The following SERPINA4 variants were observed in gnomAD, a reference collection of about 807,000 sequenced individuals.
SERPINA4 encodes the protein serpin family A member 4, also known as kallistatin.
In SERPINA4, 24 loss-of-function variants were observed where a neutral mutation model predicts 25.4. The ratio of observed to expected loss-of-function variants is 0.95; its 90% CI spans 0.69 to 1.33. The LOEUF (loss-of-function observed/expected upper bound fraction) is 1.33. SERPINA4 is among the 40% of genes most tolerant of loss of function. SERPINA4 has a pLI of 0.00. For synonymous variants in SERPINA4, 242 were observed against 223.6 expected (o/e 1.08, Z -0.73); for missense variants, 553 against 535.8 (o/e 1.03, Z -0.32).
In SERPINA4 at chr14:94,563,842, C is replaced by T. The variant is rs1291137991; in HGVS notation, c.360C>T (p.Gly120=). 5.6e-6 allele frequency: 9 copies of T among 1,614,052 alleles called. No homozygotes were observed. The African/African-American group carries it at 6.7e-5, about 12-fold the overall frequency. Residue 120 remains glycine (G), a synonymous_variant, in exon 2 of 5, where the codon GGC becomes GGT. Transcript: ENST00000557004. ...TELSESDVHR[G]FQHLLHTLNL... ...TGTCTGAGTCCGATGTCCATAGGGGCTTCCAGCACCTCCTGCACACTCTCA... is the reference window on the plus strand; with the variant it reads ...TGTCTGAGTCCGATGTCCATAGGGGTTTCCAGCACCTCCTGCACACTCTCA...
chr14:94,563,813 G>A lies in SERPINA4; in HGVS notation c.331G>A (p.Glu111Lys), dbSNP rs747841538. Residue 111 changes from glutamate to lysine, a missense_variant, in exon 2 of 5, where the codon GAG becomes AAG. Glu to Lys is a moderately conservative substitution (Grantham distance 56). Coordinates refer to ENST00000557004, the MANE Select transcript of SERPINA4 (RefSeq NM_006215.4). The part of the protein sequence containing the change: ...ILEGLGFNLT[E>K]LSESDVHRGF... ...TGAGGGCCTGGGCTTCAACCTCACC[G>A]AGCTGTCTGAGTCCGATGTCCATAG... 8.7e-6 allele frequency: 14 copies of A among 1,614,032 alleles called. No individual in the cohort carries two copies. Among genetic ancestry groups the A allele is most frequent in the Admixed American group, 5.0e-5 (3 of 60,008 alleles).
rs143259752 is a variant in SERPINA4, at chr14:94,569,574, C to T, written c.1263C>T (p.Val421=). ...STQSVLFLGK[V]VDPTKP ...AGAGTGTCCTCTTTCTGGGCAAGGT[C>T]GTCGACCCCACGAAACCATAGCCCT... Residue 421 remains valine, a synonymous_variant, in exon 5 of 5, where the codon GTC becomes GTT. Coordinates refer to ENST00000557004, the MANE Select transcript of SERPINA4 (RefSeq NM_006215.4). 1.1e-4 allele frequency: 178 copies of T among 1,614,062 alleles called. No individual in the cohort carries two copies. The highest frequency in any genetic ancestry group is 1.6e-4 in the Middle Eastern group (1 of 6,084).
Position 94,569,418 on chromosome 14 carries a change from C to T in SERPINA4, c.1107C>T (p.Asp369=), listed in dbSNP as rs369052935. 1.1e-5 allele frequency: 17 copies of T among 1,613,910 alleles called. No individual in the cohort carries two copies. Among genetic ancestry groups the T allele is most frequent in the South Asian group, 4.4e-5 (4 of 91,066 alleles). Residue 369 remains aspartate (D), a synonymous_variant, in exon 5 of 5, where the codon GAC becomes GAT. Transcript: ENST00000557004. ...AGAGTTTCCACAAGGCCACCTTGGACGTGGATGAGGCTGGCACCGAGGCTG... is the reference window on the plus strand; with the variant it reads ...AGAGTTTCCACAAGGCCACCTTGGATGTGGATGAGGCTGGCACCGAGGCTG... ...ASKSFHKATL[D]VDEAGTEAAA... is the part of the protein sequence containing the mutation.
chr14:94,567,200 A>T lies in SERPINA4; in HGVS notation c.880A>T (p.Thr294Ser), dbSNP rs537383577. Reference sequence around the variant, plus strand: ...AATGAGGGAGATTGAAGAGGTTCTGACTCCAGAGATGCTAATGAGGTGGAA... The same window carrying T: ...AATGAGGGAGATTGAAGAGGTTCTGTCTCCAGAGATGCTAATGAGGTGGAA... ...GKMREIEEVL[T>S]PEMLMRWNNL... Residue 294 changes from threonine (T) to serine (S), a missense_variant, in exon 3 of 5, where the codon ACT becomes TCT. Transcript: ENST00000557004. The T allele has an allele frequency of 6.2e-7, 1 of 1,614,072 alleles. No individual in the cohort carries two copies. Among genetic ancestry groups the T allele is most frequent in the South Asian group, 1.1e-5 (1 of 91,068 alleles).
chr14:94,561,522 C>T lies in SERPINA4; in HGVS notation c.-18+28C>T, dbSNP rs557563775. ...GAGTAACCCCCTGAGACAATGGAGA[C>T]GAGAGACTCTAGAGGGAGGGTGACC... On this transcript the variant is annotated intron_variant, in intron 1 of 4. Transcript: ENST00000557004. 33 of 556,548 alleles carry T rather than the reference C, an allele frequency of 5.9e-5. 1 individual carries two copies. Among genetic ancestry groups the T allele is most frequent in the Middle Eastern group, 7.4e-4 (1 of 1,354 alleles). 34.5% of individuals were successfully genotyped at this position (556,548 alleles called of 1,614,324 possible). A position where few individuals can be genotyped will look rare whatever the true frequency, so the allele number is the denominator to read the frequency against.
In SERPINA4 at chr14:94,569,376, C is replaced by T. The variant is rs373670091; in HGVS notation, c.1084-19C>T. On this transcript the variant is annotated intron_variant, in intron 4 of 4. Transcript: ENST00000557004. ...CTCTCTTGCTGGCTTGGAGATAATG[C>T]TTGTGATTTTCCTCCCAGAGTTTCC... 11 of 1,611,092 alleles carry T rather than the reference C, an allele frequency of 6.8e-6. No homozygotes were observed. The African/African-American group carries it at 1.1e-4, about 16-fold the overall frequency.
In SERPINA4 at chr14:94,563,431, G is replaced by C. The variant is rs776853787; in HGVS notation, c.-17-35G>C. 7 of 1,560,722 alleles carry C rather than the reference G, an allele frequency of 4.5e-6. No individual in the cohort carries two copies. In the Admixed American group the frequency reaches 7.0e-5, roughly 15 times the overall value. ...CTCAGTAGGGCCAGGTGTTCTTCTG[G>C]GGGAATTTCCTGGGCATTCTCTTCC... On this transcript the variant is annotated intron_variant, in intron 1 of 4. Transcript: ENST00000557004.
chr14:94,567,155 A>G lies in SERPINA4; in HGVS notation c.835A>G (p.Ile279Val). The stretch of plus-strand genomic sequence containing the variant: ...CAAAGGAGACGCAACCGTGTTTTTC[A>G]TTCTCCCTAACCAAGGCAAAATGAG... ...DYKGDATVFFILPNQGKMREI... is the reference protein window; with the variant it reads ...DYKGDATVFFVLPNQGKMREI... The change falls in exon 3 of 5, where the codon ATT becomes GTT. Residue 279 changes from isoleucine to valine, a missense_variant. Physicochemically the swap from Ile to Val is conservative, Grantham distance 29. Coordinates refer to ENST00000557004, the MANE Select transcript of SERPINA4 (RefSeq NM_006215.4). The G allele has an allele frequency of 3.1e-6, 5 of 1,614,154 alleles. No individual in the cohort carries two copies. Among genetic ancestry groups the G allele is most frequent in the East Asian group, 2.2e-5 (1 of 44,868 alleles).
chr14:94,568,403 T>A, intron 4 of SERPINA4, 115 bp downstream of exon 4: 1 of 1,098,998 alleles, frequency 9.1e-7, no homozygotes. Flanking sequence ...CTGAGTGTGT[T>A]CAGTCATCTA....
chr14:94,568,262 A>G lies in SERPINA4; in HGVS notation c.1057A>G (p.Lys353Glu). The G allele has an allele frequency of 6.2e-7, 1 of 1,614,232 alleles. No individual in the cohort carries two copies. The highest frequency in any genetic ancestry group is 8.5e-7 in the Non-Finnish European group (1 of 1,180,034). The change falls in exon 4 of 5, where the codon AAA becomes GAA. Residue 353 changes from lysine (K) to glutamate (E), a missense_variant. Physicochemically the swap from Lys to Glu is moderately conservative, Grantham distance 56. Transcript: ENST00000557004. Reference protein sequence around the residue: ...SKWADLSGITKQQKLEASKSF... With the variant: ...SKWADLSGITEQQKLEASKSF... The stretch of plus-strand genomic sequence containing the variant: ...GTGGGCTGACTTATCCGGCATCACC[A>G]AACAGCAAAAACTGGAGGCATCCAA...
intron 3 of SERPINA4, 111 bp downstream of exon 3, chr14:94,567,354 T>A: frequency 2.6e-6 from 3 of 1,171,252 alleles, no homozygotes; most frequent in Non-Finnish European, 2.4e-6. Context: ...ATGAGAGAAT[T>A]CTCACTTGCT....
intron 4 of SERPINA4, 97 bp downstream of exon 4, chr14:94,568,385 C>A: frequency 3.8e-6 from 5 of 1,312,524 alleles, no homozygotes; most frequent in Admixed American, 4.1e-5. Flanking sequence ...CACATGGAGT[C>A]TCAGAGCCTG....
chr14:94,566,387 G>A lies in SERPINA4; in HGVS notation c.650-583G>A, dbSNP rs142457644. On this transcript the variant is annotated intron_variant, in intron 2 of 4. Coordinates refer to ENST00000557004, the MANE Select transcript of SERPINA4 (RefSeq NM_006215.4). ...CCAAAACAACTATAATAACAGATTC[G>A]TCCTTCTCAAATGTCCTCCCCACTC... is the stretch of plus-strand genomic sequence containing the variant. Among the ~76,000 whole-genome samples, 55 of 152,180 alleles carry A rather than the reference G, an allele frequency of 3.6e-4. 1 individual carries two copies. Among genetic ancestry groups the A allele is most frequent in the African/African-American group, 1.3e-3 (54 of 41,526 alleles).
intron 1 of SERPINA4, among the ~76,000 whole-genome samples, chr14:94,562,743 G>A (rs1902067407): frequency 1.3e-5 from 2 of 152,188 alleles, no homozygotes; most frequent in Non-Finnish European, 2.9e-5. Context: ...CATTTGATGG[G>A]GCAGGAGCAG....
intron 1 of SERPINA4, among the ~76,000 whole-genome samples, chr14:94,563,076 G>GA (rs1205151834): frequency 6.6e-6 from 1 of 152,212 alleles, no homozygotes; most frequent in Non-Finnish European, 1.5e-5. Context: ...ACAAGTGTGG[G>GA]AGAAGCAGCA....
chr14:94,567,289 A>G lies in SERPINA4; in HGVS notation c.923+46A>G, dbSNP rs374020992. ...GCTGAATCTACAGTACTATCCATCAAATGTAACTTTCTAATGAAAGACAGT... is the reference window on the plus strand; with the variant it reads ...GCTGAATCTACAGTACTATCCATCAGATGTAACTTTCTAATGAAAGACAGT... On this transcript the variant is annotated intron_variant, in intron 3 of 4. Coordinates refer to ENST00000557004, the MANE Select transcript of SERPINA4 (RefSeq NM_006215.4). 5.3e-4 allele frequency: 818 copies of G among 1,546,730 alleles called. 1 individual carries two copies. The highest frequency in any genetic ancestry group is 9.8e-4 in the Admixed American group (51 of 51,848).
Position 94,563,744 on chromosome 14 carries a change from A to G in SERPINA4, c.262A>G (p.Met88Val). 2.5e-6 allele frequency: 4 copies of G among 1,614,064 alleles called. No homozygotes were observed. The highest frequency in any genetic ancestry group is 3.4e-6 in the Non-Finnish European group (4 of 1,180,032). Residue 88 changes from methionine to valine, a missense_variant, in exon 2 of 5, where the codon ATG becomes GTG. By Grantham distance (21) the Met-to-Val change is conservative. Transcript: ENST00000557004. ...SPLSISAAYA[M>V]LSLGACSHSR... ...GCTGAGCATCTCGGCGGCCTACGCC[A>G]TGCTTTCCCTGGGGGCCTGCTCACA...
chr14:94,562,773 G>A (rs376400588), intron 1 of SERPINA4, among the ~76,000 whole-genome samples: 3 of 152,168 alleles, frequency 2.0e-5, no homozygotes, highest in African/African-American at 4.8e-5. Flanking sequence ...AGAAACTGGA[G>A]TATCCTTTCT....
At chr14:94,569,037 G>A (rs10139745) in intron 4 of SERPINA4, among the ~76,000 whole-genome samples, 29,994 of 152,010 alleles carry the variant, frequency 0.2, 3,226 homozygotes, top group South Asian at 0.31. Context: ...CTTGAATTCC[G>A]GTTCTTCCTC....
Sources: allele counts gnomAD v4.1 joint callset (sites outside exome capture counted in the v4.1 genomes callset), GRCh38; gene constraint gnomAD v4.1.1; transcripts MANE v1.5; gene names NCBI Gene and HGNC (gene_info 2026-07-23, HGNC 2026-07-21).